Variants in WASHC4 observed in about 807,000 individuals in gnomAD.
WASHC4 encodes WASH complex subunit 7.
Under a neutral mutation model 166.6 loss-of-function variants are expected in WASHC4, and 86 were observed. That is an observed-to-expected ratio of 0.52 (90% CI 0.43 to 0.62). The LOEUF is 0.62. Ranked by LOEUF, WASHC4 falls within the 20% of genes least tolerant of loss-of-function variation. The pLI is 0.00. For synonymous variants in WASHC4, 446 were observed against 451.6 expected (o/e 0.99, Z 0.16); for missense variants, 1,262 against 1,382.4 (o/e 0.91, Z 1.38).
At chr12:105,123,437 T>C (rs894877642) in intron 10 of WASHC4, among the ~76,000 whole-genome samples, 6 of 152,248 alleles carry the variant, frequency 3.9e-5, no homozygotes, top group African/African-American at 1.4e-4. Context: ...ACACAGATGA[T>C]AAGAAAGTGA....
chr12:105,167,506 T>C lies in WASHC4; in HGVS notation c.*575T>C, dbSNP rs1884873315. The stretch of plus-strand genomic sequence containing the variant: ...GATCCTTCTTTCATTGTTAATTTCA[T>C]GTGACTCACAAGAGCTGCTGATGTC... On this transcript the variant is annotated 3_prime_UTR_variant, in exon 33 of 33. Transcript: ENST00000332180. 6.5e-6 allele frequency: 1 copy of C among 152,804 alleles called. No homozygotes were observed. The highest frequency in any genetic ancestry group is 2.1e-4 in the South Asian group (1 of 4,850). 9.5% of individuals were successfully genotyped at this position (152,804 alleles called of 1,614,324 possible).
intron 30 of WASHC4, among the ~76,000 whole-genome samples, chr12:105,163,864 G>T (rs1441646827): frequency 6.7e-6 from 1 of 148,548 alleles, no homozygotes; most frequent in Non-Finnish European, 1.5e-5. Context: ...GGCCATGTTA[G>T]TTATTTATTT....
chr12:105,144,358 G>A lies in WASHC4; in HGVS notation c.2082G>A (p.Leu694=). Residue 694 remains leucine (L), a synonymous_variant, in exon 21 of 33, where the codon CTG becomes CTA. Coordinates refer to ENST00000332180, the MANE Select transcript of WASHC4 (RefSeq NM_015275.3). The part of the protein sequence containing the change: ...LRLSVHTHLK[L]DDRNPFKVGM... ...TTTCTGTGCATACTCATTTAAAGCT[G>A]GATGACCGAAACCCTTTCAAAGTTG... is the stretch of plus-strand genomic sequence containing the variant. The A allele has an allele frequency of 1.9e-6, 3 of 1,613,220 alleles. No individual in the cohort carries two copies. The highest frequency in any genetic ancestry group is 8.5e-7 in the Non-Finnish European group (1 of 1,179,358).
At chr12:105,148,872 A>G in intron 24 of WASHC4, 2 of 985,400 alleles carry the variant, frequency 2.0e-6, no homozygotes, top group African/African-American at 1.7e-5. Flanking sequence ...TCTGTAGGTT[A>G]GAATTAATTT....
intron 29 of WASHC4, among the ~76,000 whole-genome samples, chr12:105,162,258 A>G (rs1485921544): frequency 6.6e-6 from 1 of 152,230 alleles, no homozygotes; most frequent in Admixed American, 6.5e-5. Context: ...TTCACACTTA[A>G]GAACATGAAA....
intron 28 of WASHC4, among the ~76,000 whole-genome samples, chr12:105,159,337 A>G (rs1884353216): frequency 1.3e-5 from 2 of 152,222 alleles, no homozygotes; most frequent in Admixed American, 1.3e-4. Context: ...AAGGAAATGT[A>G]GGGTCATGAT....
chr12:105,125,945 A>G, intron 10 of WASHC4, 59 bp from the exon 11 acceptor site: 1 of 1,514,774 alleles, frequency 6.6e-7, no homozygotes, highest in Non-Finnish European at 9.1e-7. Flanking sequence ...TATGATATTT[A>G]AATGTTTAAT....
At chr12:105,148,189 A>G in intron 24 of WASHC4, 2 of 985,318 alleles carry the variant, frequency 2.0e-6, no homozygotes, top group Non-Finnish European at 2.4e-6. Flanking sequence ...GAGTGATATG[A>G]TTGGAGCTCC....
intron 13 of WASHC4, among the ~76,000 whole-genome samples, chr12:105,130,063 T>C (rs931868177): frequency 1.3e-5 from 2 of 152,194 alleles, no homozygotes; most frequent in African/African-American, 4.8e-5. Flanking sequence ...ATTTTGTAGA[T>C]GAGAAAACCC....
chr12:105,123,827 A>G (rs1209243329), intron 10 of WASHC4, among the ~76,000 whole-genome samples: 1 of 152,188 alleles, frequency 6.6e-6, no homozygotes, highest in Non-Finnish European at 1.5e-5. Flanking sequence ...CATAGAGGAA[A>G]AGTCAATTCC....
intron 25 of WASHC4, among the ~76,000 whole-genome samples, chr12:105,151,792 A>T (rs1032065616): frequency 2.0e-5 from 3 of 152,168 alleles, no homozygotes; most frequent in Non-Finnish European, 2.9e-5. Context: ...GCTCATTTTT[A>T]TTGGAGCAGA....
In WASHC4 at chr12:105,167,117, G is replaced by A. The variant is rs1178665769; in HGVS notation, c.*186G>A. ...GTTTCCAAAGGCTCTACTTTCAAAGGTTAAGAATGAGATTTTAAAATTGGA... is the reference window on the plus strand; with the variant it reads ...GTTTCCAAAGGCTCTACTTTCAAAGATTAAGAATGAGATTTTAAAATTGGA... On this transcript the variant is annotated 3_prime_UTR_variant, in exon 33 of 33. Transcript: ENST00000332180. 1 of 557,300 alleles carries A rather than the reference G, an allele frequency of 1.8e-6. No homozygotes were observed. The highest frequency in any genetic ancestry group is 3.0e-5 in the East Asian group (1 of 33,732). The allele number at this position is 557,300 out of a possible 1,614,324, so 34.5% of individuals were successfully genotyped here.
At position 105,122,104 on chromosome 12, in the gene WASHC4, T is replaced by A; in HGVS notation, c.666-14T>A. On this transcript the variant is annotated splice_polypyrimidine_tract_variant and intron_variant, in intron 9 of 32. Transcript: ENST00000332180. ...TTAGGTAGATTTAAGATGTTTCTCT[T>A]AATTTTCCTCAAGGTTACTGAAATC... 1 of 1,581,988 alleles carries A rather than the reference T, an allele frequency of 6.3e-7. No homozygotes were observed. The highest frequency in any genetic ancestry group is 8.7e-7 in the Non-Finnish European group (1 of 1,153,278).
In WASHC4 at chr12:105,134,988, C is replaced by A. The variant is rs183338312; in HGVS notation, c.1326+1092C>A. On this transcript the variant is annotated intron_variant, in intron 14 of 32. Transcript: ENST00000332180. ...ATTATTTTATTGTTCTTTTAGCGGT[C>A]ACTCTAGACATTTTAAGATGTATCG... is the stretch of plus-strand genomic sequence containing the variant. Among the ~76,000 whole-genome samples, 494 of 151,838 alleles carry A rather than the reference C, an allele frequency of 3.3e-3. 2 individuals are homozygous for A. The highest frequency in any genetic ancestry group is 0.011 in the African/African-American group (456 of 41,436).
chr12:105,132,156 A>G (rs965315167), intron 13 of WASHC4, among the ~76,000 whole-genome samples: 3 of 152,166 alleles, frequency 2.0e-5, no homozygotes, highest in Admixed American at 2.0e-4. Flanking sequence ...CCATTTTTGC[A>G]TACTAAGTTT....
At chr12:105,131,163 T>C (rs1713635969) in intron 13 of WASHC4, among the ~76,000 whole-genome samples, 1 of 151,016 alleles carries the variant, frequency 6.6e-6, no homozygotes, top group Non-Finnish European at 1.5e-5. Context: ...CTCGGCTCAC[T>C]GCAAGCTCCG....
chr12:105,149,019 T>C (rs2135812965), intron 24 of WASHC4: 2 of 977,444 alleles, frequency 2.0e-6, no homozygotes, highest in South Asian at 4.7e-5. Flanking sequence ...AGAGATTTAA[T>C]AATTTATTTA....
At chr12:105,124,561 A>G (rs1420250490) in intron 10 of WASHC4, among the ~76,000 whole-genome samples, 1 of 150,642 alleles carries the variant, frequency 6.6e-6, no homozygotes, top group African/African-American at 2.5e-5. Flanking sequence ...GCTCACTGCA[A>G]CCTCCGCCTC....
At position 105,137,909 on chromosome 12, in the gene WASHC4, T is replaced by C; in HGVS notation, c.1350T>C (p.Ile450=). The change falls in exon 15 of 33, where the codon ATT becomes ATC. Residue 450 remains isoleucine, a synonymous_variant. Transcript: ENST00000332180. ...AGGGCTTCTTGTATGCATATAGTAT[T>C]AGTACCATTATTAAAACCACAATGA... ...FIQGFLYAYS[I]STIIKTTMNL... The C allele has an allele frequency of 1.2e-6, 2 of 1,608,620 alleles. No individual in the cohort carries two copies. Among genetic ancestry groups the C allele is most frequent in the Non-Finnish European group, 1.7e-6 (2 of 1,175,268 alleles).
Sources: allele counts gnomAD v4.1 joint callset (sites outside exome capture counted in the v4.1 genomes callset), GRCh38; gene constraint gnomAD v4.1.1; transcripts MANE v1.5; gene names NCBI Gene and HGNC (gene_info 2026-07-23, HGNC 2026-07-21).